ALK: variants seen among roughly 807,000 people sequenced by gnomAD.
ALK encodes ALK tyrosine kinase receptor.
Under a neutral mutation model 163.1 loss-of-function variants are expected in ALK, and 74 were observed. That is an observed-to-expected ratio of 0.45 (90% confidence interval 0.38 to 0.55). The LOEUF (loss-of-function observed/expected upper bound fraction) is 0.55. Among genes scored for constraint, ALK ranks in the 20% least tolerant of loss-of-function variants. ALK has a pLI of 0.00. For missense variants in ALK, 2,063 were observed against 2,105.3 expected, an observed-to-expected ratio of 0.98 and a Z score of 0.39; for synonymous variants, 960 against 843.2, an observed-to-expected ratio of 1.14 and a Z score of -2.40.
In ALK at chr2:29,227,543, AGTTT is replaced by A. The variant is rs756407826; in HGVS notation, c.2914+27_2914+30del. 6.3e-7 allele frequency: 1 copy of A among 1,577,016 alleles called. No homozygotes were observed. The highest frequency in any genetic ancestry group is 8.7e-7 in the Non-Finnish European group (1 of 1,146,176). On this transcript the variant is annotated intron_variant, in intron 17 of 28. Coordinates refer to ENST00000389048, the MANE Select transcript of ALK (RefSeq NM_004304.5). This position sits in a 1 kb window ranked among gnomAD's most constrained non-coding sequence, Gnocchi z 4.4. ...CTTGGTGGGAGGACTGACCTAAGCA[AGTTT>A]GTTCTGCTGCCTGGCAGAGAAGCTA...
At position 29,705,634 on chromosome 2, in the gene ALK, G is replaced by A. The variant is rs537873476; in HGVS notation, c.788-10620C>T. 1.8e-4 allele frequency among the ~76,000 whole-genome samples: 28 copies of A among 152,214 alleles called. No homozygotes were observed. The South Asian group carries it at 5.6e-3, about 30-fold the overall frequency. ...TGCATGAGGTCAGGCTCCCAAGTTG[G>A]AAATTTGGCTGTGCCATTACTAGCT... On this transcript the variant is annotated intron_variant, in intron 2 of 28. Coordinates refer to ENST00000389048, the MANE Select transcript of ALK (RefSeq NM_004304.5).
At position 29,497,919 on chromosome 2, in the gene ALK, T is replaced by C. The variant is rs961844325; in HGVS notation, c.1154+33996A>G. Reference sequence around the variant, plus strand: ...TCTTTTCTTTCTTAAGTCCAAAAGATACAAAACTAATTGAGAACTCCTGAT... The same window carrying C: ...TCTTTTCTTTCTTAAGTCCAAAAGACACAAAACTAATTGAGAACTCCTGAT... On this transcript the variant is annotated intron_variant, in intron 4 of 28. Transcript: ENST00000389048. Among the ~76,000 whole-genome samples, 9 of 152,174 alleles carry C rather than the reference T, an allele frequency of 5.9e-5. No homozygotes were observed. The East Asian group carries it at 1.2e-3, about 20-fold the overall frequency.
intron 11 of ALK, among the ~76,000 whole-genome samples, chr2:29,260,239 C>G (rs75641883): frequency 7.6e-4 from 115 of 151,946 alleles, no homozygotes; most frequent in East Asian, 7.6e-3. Flanking sequence ...CAATGACTTA[C>G]GTTATTTTTC....
chr2:29,754,920 T>C (rs997544279), intron 1 of ALK, among the ~76,000 whole-genome samples: 4 of 152,096 alleles, frequency 2.6e-5, no homozygotes, highest in African/African-American at 9.7e-5. Flanking sequence ...GACAAAAATG[T>C]CTCTTGGTCT....
At chr2:29,801,681 A>G (rs897195385) in intron 1 of ALK, among the ~76,000 whole-genome samples, 1 of 152,046 alleles carries the variant, frequency 6.6e-6, no homozygotes, top group African/African-American at 2.4e-5. Flanking sequence ...TTCTTTTTCC[A>G]GGAGGACAGA....
chr2:29,656,022 A>G (rs946579883), intron 3 of ALK, among the ~76,000 whole-genome samples: 3 of 152,174 alleles, frequency 2.0e-5, no homozygotes, highest in Admixed American at 6.5e-5. Flanking sequence ...GGTCACAAGC[A>G]TATGTATATA....
chr2:29,275,087 C>A lies in ALK; in HGVS notation c.2041+12G>T. Reference sequence around the variant, plus strand: ...AAGTTACTGTGCTCACATTTGTGAGCTGAACCCTTACCTGTAGGGTCAAAG... The same window carrying A: ...AAGTTACTGTGCTCACATTTGTGAGATGAACCCTTACCTGTAGGGTCAAAG... On this transcript the variant is annotated intron_variant, in intron 11 of 28. Coordinates refer to ENST00000389048, the MANE Select transcript of ALK (RefSeq NM_004304.5). 6.2e-7 allele frequency: 1 copy of A among 1,613,976 alleles called. No individual in the cohort carries two copies. The highest frequency in any genetic ancestry group is 8.5e-7 in the Non-Finnish European group (1 of 1,180,030).
At chr2:29,382,365 G>C (rs1025627906) in intron 5 of ALK, among the ~76,000 whole-genome samples, 1 of 152,330 alleles carries the variant, frequency 6.6e-6, no homozygotes, top group East Asian at 1.9e-4. Context: ...TTTTAGGTGA[G>C]AGGGAGTTGC....
chr2:29,387,036 T>C (rs572135291), intron 4 of ALK, among the ~76,000 whole-genome samples: 2 of 152,336 alleles, frequency 1.3e-5, no homozygotes, highest in Admixed American at 6.5e-5. Context: ...ACCTAGAGCC[T>C]CCTGGAGACA....
intron 4 of ALK, among the ~76,000 whole-genome samples, chr2:29,456,706 A>C (rs939281119): frequency 3.3e-5 from 5 of 152,148 alleles, no homozygotes; most frequent in Non-Finnish European, 1.5e-5. Flanking sequence ...TTAAATGGTA[A>C]ATTTTATGTT....
intron 2 of ALK, among the ~76,000 whole-genome samples, chr2:29,696,156 T>G (rs868140367): frequency 6.6e-6 from 1 of 152,170 alleles, no homozygotes; most frequent in Non-Finnish European, 1.5e-5. Flanking sequence ...AATGATAGAC[T>G]GGATAAAGAA....
At chr2:29,487,832 G>A (rs556730078) in intron 4 of ALK, among the ~76,000 whole-genome samples, 1 of 152,158 alleles carries the variant, frequency 6.6e-6, no homozygotes, top group East Asian at 1.9e-4. Flanking sequence ...GCACCAGATC[G>A]AGAACTCACA....
chr2:29,432,462 C>A (rs1670295000), intron 4 of ALK, among the ~76,000 whole-genome samples: 1 of 152,178 alleles, frequency 6.6e-6, no homozygotes, highest in Non-Finnish European at 1.5e-5. Flanking sequence ...GTACAGCCTG[C>A]AGACCCTTGA....
rs1413556561 is a variant in ALK, at chr2:29,252,166, C to A, written c.2042-899G>T. On this transcript the variant is annotated intron_variant, in intron 11 of 28. Transcript: ENST00000389048. ...GCAACACAGGAACACTCAGCACAAA[C>A]TGCACCCCCCCACCCCCCGCGGGCC... is the stretch of plus-strand genomic sequence containing the variant. Among the ~76,000 whole-genome samples, 113 of 151,640 alleles carry A rather than the reference C, an allele frequency of 7.5e-4. 1 individual carries two copies. The highest frequency in any genetic ancestry group is 8.8e-5 in the Non-Finnish European group (6 of 67,884).
At position 29,791,932 on chromosome 2, in the gene ALK, G is replaced by A. The variant is rs371810973; in HGVS notation, c.668-74235C>T. Among the ~76,000 whole-genome samples the A allele has an allele frequency of 1.6e-4, 24 of 152,250 alleles. No homozygotes were observed. In the South Asian group the frequency reaches 4.1e-3, roughly 26 times the overall value. ...GATGCACTAAGTTATCTGAAAATGA[G>A]TATTTTGTGTTTTCCATAGATGTTT... On this transcript the variant is annotated intron_variant, in intron 1 of 28. Coordinates refer to ENST00000389048, the MANE Select transcript of ALK (RefSeq NM_004304.5).
At chr2:29,442,929 C>T (rs1307606680) in intron 4 of ALK, among the ~76,000 whole-genome samples, 1 of 152,196 alleles carries the variant, frequency 6.6e-6, no homozygotes, top group Admixed American at 6.5e-5. Flanking sequence ...AGGGACAAAG[C>T]GTGACTCTAC....
At chr2:29,697,590 C>G (rs1678610296) in intron 2 of ALK, among the ~76,000 whole-genome samples, 2 of 152,126 alleles carry the variant, frequency 1.3e-5, no homozygotes, top group Non-Finnish European at 2.9e-5. Flanking sequence ...GCAAAATGTT[C>G]AACCACCTCT....
chr2:29,513,699 A>G (rs934829715), intron 4 of ALK, among the ~76,000 whole-genome samples: 1 of 150,998 alleles, frequency 6.6e-6, no homozygotes, highest in African/African-American at 2.4e-5. Flanking sequence ...AACTACCATC[A>G]GAGTGAACAG....
intron 5 of ALK, among the ~76,000 whole-genome samples, chr2:29,379,538 T>C (rs1318023691): frequency 2.0e-5 from 3 of 152,158 alleles, no homozygotes; most frequent in African/African-American, 7.2e-5. Flanking sequence ...ACCTACTAAA[T>C]TTAGATGTAG....
Sources: gnomAD v4.1 joint callset for allele counts (sites outside exome capture counted in the v4.1 genomes callset) on GRCh38, gnomAD v4.1.1 for gene constraint, Gnocchi (gnomAD v3.1) non-coding constraint, MANE v1.5 for transcripts, NCBI Gene and HGNC (gene_info 2026-07-23, HGNC 2026-07-21) for gene names.